Variants in RAD51B observed in about 807,000 individuals in gnomAD.
RAD51B encodes DNA repair protein RAD51 homolog 2.
Under a neutral mutation model 42.2 loss-of-function variants are expected in RAD51B, and 38 were observed. That is an observed-to-expected ratio of 0.90 (90% CI 0.70 to 1.18). The LOEUF (loss-of-function observed/expected upper bound fraction) is 1.18, where lower values mean the gene tolerates loss of function less well. RAD51B is among the 50% of genes most tolerant of loss of function. RAD51B has a pLI of 0.00. For synonymous variants in RAD51B, 154 were observed against 145.2 expected (o/e 1.06, Z -0.43); for missense variants, 373 against 400.7 (o/e 0.93, Z 0.59).
At chr14:68,331,516 T>C (rs954605929) in intron 8 of RAD51B, among the ~76,000 whole-genome samples, 6 of 151,866 alleles carry the variant, frequency 4.0e-5, no homozygotes, top group African/African-American at 1.5e-4. Flanking sequence ...TGAGTTCTAC[T>C]ATGTGGCAAG....
intron 7 of RAD51B, among the ~76,000 whole-genome samples, chr14:68,162,351 A>G (rs1044253733): frequency 5.3e-5 from 8 of 152,204 alleles, no homozygotes; most frequent in Admixed American, 4.6e-4. Context: ...AATAAGTCCT[A>G]TAATTTTTTT....
At chr14:68,152,795 C>T (rs1160979111) in intron 7 of RAD51B, among the ~76,000 whole-genome samples, 1 of 151,298 alleles carries the variant, frequency 6.6e-6, no homozygotes, top group Non-Finnish European at 1.5e-5. Flanking sequence ...TGTTGTTCTC[C>T]TCTTTGTGTC....
intron 10 of RAD51B, among the ~76,000 whole-genome samples, chr14:68,585,715 A>C (rs1394725373): frequency 6.6e-6 from 1 of 152,234 alleles, no homozygotes; most frequent in Non-Finnish European, 1.5e-5. Context: ...ACTGCAAGGA[A>C]GAAAAACAGA....
chr14:67,831,688 T>C (rs1395283984), intron 3 of RAD51B, among the ~76,000 whole-genome samples: 2 of 150,610 alleles, frequency 1.3e-5, no homozygotes, highest in Non-Finnish European at 3.0e-5. Flanking sequence ...AGGCATGTGC[T>C]ACCATGCCCA....
chr14:68,301,592 G>GT (rs139865933), intron 8 of RAD51B, among the ~76,000 whole-genome samples: 1,661 of 109,630 alleles, frequency 0.015, 35 homozygotes, highest in African/African-American at 0.035. Flanking sequence ...TTGTTTGTGT[G>GT]TTTTTTTTTT....
At chr14:67,973,869 AT>A (rs1339831082) in intron 7 of RAD51B, among the ~76,000 whole-genome samples, 1 of 152,156 alleles carries the variant, frequency 6.6e-6, no homozygotes, top group African/African-American at 2.4e-5. Flanking sequence ...TTTATTTTAA[AT>A]GTTAATTTTT....
chr14:68,366,292 G>T (rs1419387717), intron 8 of RAD51B, among the ~76,000 whole-genome samples: 1 of 152,140 alleles, frequency 6.6e-6, no homozygotes, highest in African/African-American at 2.4e-5. Context: ...TGTCTGTGAC[G>T]GTGATAAGAC....
chr14:67,865,533 G>A lies in RAD51B; in HGVS notation c.452+394G>A, dbSNP rs1292382786. Reference sequence around the variant, plus strand: ...ATTATAGGCGTGAGCCACTGTGCCTGGCTTTTTTTTTTTTTTTTTTTTTGA... The same window carrying A: ...ATTATAGGCGTGAGCCACTGTGCCTAGCTTTTTTTTTTTTTTTTTTTTTGA... On this transcript the variant is annotated intron_variant, in intron 5 of 10. Coordinates refer to ENST00000471583, the MANE Select transcript of RAD51B (RefSeq NM_133510.4). Among the ~76,000 whole-genome samples the A allele has an allele frequency of 9.2e-5, 13 of 141,626 alleles. 1 individual carries two copies. In the Admixed American group the frequency reaches 9.3e-4, roughly 10 times the overall value. The allele number at this position is 141,626 out of a possible 152,430, so 92.9% of individuals were successfully genotyped here. A position where few individuals can be genotyped will look rare whatever the true frequency, so the allele number is the denominator to read the frequency against.
At chr14:67,954,134 G>A (rs1384057425) in intron 7 of RAD51B, among the ~76,000 whole-genome samples, 2 of 152,052 alleles carry the variant, frequency 1.3e-5, no homozygotes, top group East Asian at 3.9e-4. Context: ...TTATAGTAAC[G>A]CTCTAACTCA....
In RAD51B at chr14:67,835,195, A is replaced by G; in HGVS notation, c.314A>G (p.Glu105Gly). The G allele has an allele frequency of 6.2e-7, 1 of 1,608,504 alleles. No individual in the cohort carries two copies. The highest frequency in any genetic ancestry group is 8.5e-7 in the Non-Finnish European group (1 of 1,175,262). Residue 105 changes from glutamate to glycine, a missense_variant and splice_region_variant, in exon 4 of 11, where the codon GAG becomes GGG. Transcript: ENST00000471583. ...GGTGTGGCTTGTGGATCCCTCACAG[A>G]GGTAAAGGAAAAATTTTTCGTACCT... ...HGGVACGSLT[E>G]ITGPPGCGKT...
rs371501765 is a variant in RAD51B, at chr14:67,881,125, C to T, written c.453-4744C>T. Among the ~76,000 whole-genome samples, 13 of 152,174 alleles carry T rather than the reference C, an allele frequency of 8.5e-5. No homozygotes were observed. In the South Asian group the frequency reaches 2.7e-3, roughly 32 times the overall value. On this transcript the variant is annotated intron_variant, in intron 5 of 10. Coordinates refer to ENST00000471583, the MANE Select transcript of RAD51B (RefSeq NM_133510.4). ...AATGGTAAGTATTTGTGTATCTAAACAAAGGAAAGGTATTGTAAAAATATA... is the reference window on the plus strand; with the variant it reads ...AATGGTAAGTATTTGTGTATCTAAATAAAGGAAAGGTATTGTAAAAATATA...
downstream of RAD51B, among the ~76,000 whole-genome samples, chr14:68,613,728 A>G (rs1011573383): frequency 6.6e-6 from 1 of 152,102 alleles, no homozygotes; most frequent in African/African-American, 2.4e-5. Context: ...TGCTGGGATT[A>G]CAGGCGTGAG....
At chr14:68,463,471 A>G (rs1158598544) in intron 9 of RAD51B, among the ~76,000 whole-genome samples, 2 of 152,186 alleles carry the variant, frequency 1.3e-5, no homozygotes, top group Non-Finnish European at 2.9e-5. Context: ...TGAAAGCAAT[A>G]TACATCTTAA....
intron 7 of RAD51B, among the ~76,000 whole-genome samples, chr14:68,263,558 TTAACA>T (rs754282231): frequency 7.0e-4 from 106 of 152,386 alleles, no homozygotes; most frequent in Middle Eastern, 3.4e-3. Flanking sequence ...ATTTATGTAA[TTAACA>T]TTAGTTACCT....
intron 10 of RAD51B, among the ~76,000 whole-genome samples, chr14:68,469,449 C>T (rs900924631): frequency 5.3e-5 from 8 of 152,262 alleles, no homozygotes; most frequent in Non-Finnish European, 5.9e-5. Flanking sequence ...CTCAGGTCCA[C>T]GAAATTTGGG....
At chr14:68,169,291 T>C (rs1566700742) in intron 7 of RAD51B, among the ~76,000 whole-genome samples, 1 of 152,126 alleles carries the variant, frequency 6.6e-6, no homozygotes, top group African/African-American at 2.4e-5. Flanking sequence ...CATATTCTGG[T>C]TATATTCTCC....
chr14:68,589,571 G>A (rs957300552), intron 10 of RAD51B, among the ~76,000 whole-genome samples: 2 of 152,236 alleles, frequency 1.3e-5, no homozygotes, highest in African/African-American at 2.4e-5. Flanking sequence ...GAGCCCTGGA[G>A]AGGGTATCTC....
At chr14:67,940,198 C>T (rs934183776) in intron 7 of RAD51B, among the ~76,000 whole-genome samples, 2 of 146,968 alleles carry the variant, frequency 1.4e-5, no homozygotes, top group African/African-American at 5.0e-5. Context: ...CTCAGCCTCC[C>T]AAGTAGCTGG....
In RAD51B at chr14:67,977,992, C is replaced by T. The variant is rs767018320; in HGVS notation, c.756+90788C>T. Among the ~76,000 whole-genome samples the T allele has an allele frequency of 9.3e-4, 142 of 152,164 alleles. 1 individual carries two copies. The highest frequency in any genetic ancestry group is 2.2e-3 in the Admixed American group (34 of 15,272). On this transcript the variant is annotated intron_variant, in intron 7 of 10. Coordinates refer to ENST00000471583, the MANE Select transcript of RAD51B (RefSeq NM_133510.4). ...ATTTCTGTGCCTTTTTGTTCCTCTT[C>T]CTTATTTTCCCCCTAAAGCCATAGG...
Sources: gnomAD v4.1 joint callset for allele counts (sites outside exome capture counted in the v4.1 genomes callset) on GRCh38, gnomAD v4.1.1 for gene constraint, MANE v1.5 for transcripts, NCBI Gene and HGNC (gene_info 2026-07-23, HGNC 2026-07-21) for gene names.